Variants in MZT1 observed in about 807,000 individuals in gnomAD.
MZT1 encodes mitotic-spindle organizing protein 1.
A neutral mutation model predicts 8.5 loss-of-function variants in MZT1; 8 were observed. That is an observed-to-expected ratio of 0.94 (90% CI 0.55 to 1.70). MZT1 has a LOEUF of 1.70. MZT1 is among the 40% of genes most tolerant of loss of function. The pLI, the probability that MZT1 is intolerant of heterozygous loss-of-function variation, is 0.00. For missense variants in MZT1, 93 were observed against 108.6 expected (o/e 0.86, Z 0.64); for synonymous variants, 38 against 42.0 (o/e 0.90, Z 0.37).
Position 72,727,629 on chromosome 13 carries a change from G to A in MZT1, c.-27C>T. On this transcript the variant is annotated 5_prime_UTR_variant, in exon 1 of 3. Coordinates refer to ENST00000377818, the MANE Select transcript of MZT1 (RefSeq NM_001071775.3). ...GCTAAGGCCGAGGGAGGCGGGAGAA[G>A]GGCCTGACCCGGAACTGGAGCGCCT... The A allele has an allele frequency of 1.3e-6, 2 of 1,564,542 alleles. No homozygotes were observed. Among genetic ancestry groups the A allele is most frequent in the East Asian group, 2.4e-5 (1 of 41,870 alleles).
intron 1 of MZT1, among the ~76,000 whole-genome samples, chr13:72,726,066 A>C (rs1354804554): frequency 1.3e-5 from 2 of 152,110 alleles, no homozygotes; most frequent in African/African-American, 4.8e-5. Flanking sequence ...AAGGCTCTAA[A>C]AGTGTAATTC....
At chr13:72,713,337 T>C (rs146013731) in intron 2 of MZT1, among the ~76,000 whole-genome samples, 1 of 152,216 alleles carries the variant, frequency 6.6e-6, no homozygotes, top group Non-Finnish European at 1.5e-5. Context: ...AAAATTTGCA[T>C]TGAAGTTGTC....
chr13:72,724,539 GTTTTTT>G (rs201616341), intron 1 of MZT1, among the ~76,000 whole-genome samples: 7 of 111,482 alleles, frequency 6.3e-5, no homozygotes, highest in Non-Finnish European at 1.1e-4. Context: ...TCTATAACGT[GTTTTTT>G]TTTTTTTTTT....
At chr13:72,720,130 A>G (rs565395692) in intron 1 of MZT1, among the ~76,000 whole-genome samples, 61 of 152,160 alleles carry the variant, frequency 4.0e-4, no homozygotes, top group Non-Finnish European at 8.2e-4. Flanking sequence ...GGAAAATAGG[A>G]TCTAACTTTT....
chr13:72,712,121 A>G lies in MZT1; in HGVS notation c.226-1776T>C, dbSNP rs117592437. Among the ~76,000 whole-genome samples, 389 of 152,278 alleles carry G rather than the reference A, an allele frequency of 2.6e-3. 1 individual carries two copies. Among genetic ancestry groups the G allele is most frequent in the Non-Finnish European group, 4.7e-3 (320 of 68,004 alleles). On this transcript the variant is annotated intron_variant, in intron 2 of 2. Transcript: ENST00000377818. The stretch of plus-strand genomic sequence containing the variant: ...TCATAAAAATTATAGAGATTATGTC[A>G]ATTACTTCAAAAAAACAAGTTGTAA...
chr13:72,724,624 C>T (rs1391848952), intron 1 of MZT1, among the ~76,000 whole-genome samples: 4 of 133,962 alleles, frequency 3.0e-5, no homozygotes, highest in African/African-American at 5.4e-5. Flanking sequence ...CGACAACCTT[C>T]GCCTCCCAGG....
chr13:72,716,816 G>GA (rs35920836), intron 2 of MZT1, among the ~76,000 whole-genome samples: 1 of 152,172 alleles, frequency 6.6e-6, no homozygotes, highest in African/African-American at 2.4e-5. Context: ...ATTTGAATTG[G>GA]AAAAAAGGTG....
At chr13:72,716,742 A>G (rs1222137675) in intron 2 of MZT1, among the ~76,000 whole-genome samples, 1 of 152,230 alleles carries the variant, frequency 6.6e-6, no homozygotes, top group Non-Finnish European at 1.5e-5. Flanking sequence ...TAAATCAGAA[A>G]GTCTGTGGAA....
At position 72,727,598 on chromosome 13, in the gene MZT1, G is replaced by T. The variant is rs767396491; in HGVS notation, c.5C>A (p.Ala2Glu). 9 of 1,599,056 alleles carry T rather than the reference G, an allele frequency of 5.6e-6. No individual in the cohort carries two copies. The Admixed American group carries it at 6.9e-5, about 12-fold the overall frequency. M[A>E]SSSGAGAAAA... ...CGCCGCCCCAGCACCGCTGCTACTC[G>T]CCATGGCTAAGGCCGAGGGAGGCGG... is the stretch of plus-strand genomic sequence containing the variant. The change falls in exon 1 of 3, where the codon GCG becomes GAG. Residue 2 changes from alanine to glutamate, a missense_variant. Physicochemically the swap from Ala to Glu is moderately radical, Grantham distance 107. Coordinates refer to ENST00000377818, the MANE Select transcript of MZT1 (RefSeq NM_001071775.3).
rs181889406 is a variant in MZT1, at chr13:72,726,646, T to A, written c.79+878A>T. Among the ~76,000 whole-genome samples, 228 of 151,422 alleles carry A rather than the reference T, an allele frequency of 1.5e-3. 2 individuals are homozygous for A. The highest frequency in any genetic ancestry group is 5.0e-3 in the African/African-American group (208 of 41,280). On this transcript the variant is annotated intron_variant, in intron 1 of 2. Coordinates refer to ENST00000377818, the MANE Select transcript of MZT1 (RefSeq NM_001071775.3). ...AGAAGACTACAAGAGAGAGGCCATC[T>A]GAAATAATATAAAAATAATTGATCA... is the stretch of plus-strand genomic sequence containing the variant.
chr13:72,711,231 A>G (rs1437527204), intron 2 of MZT1, among the ~76,000 whole-genome samples: 1 of 152,160 alleles, frequency 6.6e-6, no homozygotes, highest in Non-Finnish European at 1.5e-5. Context: ...TTACACATAA[A>G]TCCTAGAACT....
rs543458941 is a variant in MZT1, at chr13:72,716,083, A to AT, written c.225+2868dup. On this transcript the variant is annotated intron_variant, in intron 2 of 2. Coordinates refer to ENST00000377818, the MANE Select transcript of MZT1 (RefSeq NM_001071775.3). The stretch of plus-strand genomic sequence containing the variant: ...CAGTGCCTGCCATAATGCCTGGCTA[A>AT]TTTTTTTATTTTTAGTAGAGATGGG... Among the ~76,000 whole-genome samples the AT allele has an allele frequency of 4.3e-3, 654 of 151,922 alleles. 2 individuals carry two copies. Among genetic ancestry groups the AT allele is most frequent in the Middle Eastern group, 0.017 (5 of 294 alleles).
intron 2 of MZT1, among the ~76,000 whole-genome samples, chr13:72,714,046 T>C (rs2032512246): frequency 6.6e-6 from 1 of 152,172 alleles, no homozygotes; most frequent in Non-Finnish European, 1.5e-5. Flanking sequence ...ATAGCCAAGA[T>C]AATGGGTAAA....
At chr13:72,713,315 CT>C (rs759195903) in intron 2 of MZT1, among the ~76,000 whole-genome samples, 3 of 152,154 alleles carry the variant, frequency 2.0e-5, no homozygotes, top group Non-Finnish European at 4.4e-5. Flanking sequence ...TTCAGATGTC[CT>C]AAAATTTTGG....
At chr13:72,716,873 C>T (rs1290505809) in intron 2 of MZT1, among the ~76,000 whole-genome samples, 2 of 152,162 alleles carry the variant, frequency 1.3e-5, no homozygotes, top group African/African-American at 4.8e-5. Context: ...GTCTCTGAGG[C>T]GCTCTTGGAG....
intron 1 of MZT1, among the ~76,000 whole-genome samples, chr13:72,726,656 T>C (rs1254301343): frequency 6.8e-6 from 1 of 147,764 alleles, no homozygotes; most frequent in Non-Finnish European, 1.5e-5. Context: ...TGAAATAATA[T>C]AAAAATAATT....
intron 1 of MZT1, among the ~76,000 whole-genome samples, chr13:72,721,446 G>C (rs552897654): frequency 5.3e-5 from 8 of 152,192 alleles, no homozygotes; most frequent in Non-Finnish European, 8.8e-5. Flanking sequence ...CCAGCTTTCT[G>C]AGTACTTTCC....
At chr13:72,724,726 A>T (rs1468823050) in intron 1 of MZT1, among the ~76,000 whole-genome samples, 1 of 29,750 alleles carries the variant, frequency 3.4e-5, no homozygotes, top group Non-Finnish European at 1.8e-4. Flanking sequence ...ATACATATAT[A>T]TATATATATA....
At chr13:72,723,930 G>C (rs2032614250) in intron 1 of MZT1, among the ~76,000 whole-genome samples, 1 of 152,202 alleles carries the variant, frequency 6.6e-6, no homozygotes, top group Non-Finnish European at 1.5e-5. Flanking sequence ...GTTTAGCAAA[G>C]ACTTGTCTGA....
Sources: allele counts gnomAD v4.1 joint callset (sites outside exome capture counted in the v4.1 genomes callset), GRCh38; gene constraint gnomAD v4.1.1; transcripts MANE v1.5; gene names NCBI Gene and HGNC (gene_info 2026-07-23, HGNC 2026-07-21).